Variants in SYT9 observed in about 807,000 individuals in gnomAD.
SYT9 encodes the protein synaptotagmin 9.
Under a neutral mutation model 48.4 loss-of-function variants are expected in SYT9, and 22 were observed. That is an observed-to-expected ratio of 0.45 (90% confidence interval 0.32 to 0.65). The LOEUF (loss-of-function observed/expected upper bound fraction) is 0.65, where lower values mean the gene tolerates loss of function less well. Ranked by LOEUF, SYT9 falls within the 30% of genes least tolerant of loss-of-function variation. The pLI is 0.03. For synonymous variants in SYT9, 265 were observed against 245.0 expected (o/e 1.08, Z -0.76); for missense variants, 577 against 622.0 (o/e 0.93, Z 0.77).
At chr11:7,412,077 C>T (rs558387796) in intron 3 of SYT9, among the ~76,000 whole-genome samples, 35 of 152,150 alleles carry the variant, frequency 2.3e-4, no homozygotes, top group African/African-American at 8.4e-4. Context: ...ATGTGTATCT[C>T]TTTGATGAAT....
At chr11:7,366,290 C>T (rs1309346390) in intron 3 of SYT9, among the ~76,000 whole-genome samples, 1 of 152,190 alleles carries the variant, frequency 6.6e-6, no homozygotes, top group Non-Finnish European at 1.5e-5. Context: ...CCCCTTTCTA[C>T]CTATGCAGTC....
chr11:7,311,657 A>C (rs943812541), intron 2 of SYT9, among the ~76,000 whole-genome samples: 2 of 152,198 alleles, frequency 1.3e-5, no homozygotes, highest in Non-Finnish European at 2.9e-5. Context: ...CTGATGCAGG[A>C]CCCAATTATG....
intron 6 of SYT9, among the ~76,000 whole-genome samples, chr11:7,449,810 T>C (rs12573923): frequency 6.6e-6 from 1 of 151,718 alleles, no homozygotes; most frequent in Non-Finnish European, 1.5e-5. Context: ...CTGAACTGTC[T>C]CTCCTCATGT....
chr11:7,448,600 A>G (rs975225766), intron 6 of SYT9, among the ~76,000 whole-genome samples: 2 of 152,252 alleles, frequency 1.3e-5, no homozygotes, highest in African/African-American at 4.8e-5. Flanking sequence ...TGAAAATGGC[A>G]ACTGTGCCCC....
At chr11:7,249,589 T>C (rs953890109), upstream of SYT9, among the ~76,000 whole-genome samples, 2 of 152,184 alleles carry the variant, frequency 1.3e-5, no homozygotes, top group Non-Finnish European at 2.9e-5. Flanking sequence ...AAGTAATAGA[T>C]TAAGAAAGTG....
intron 6 of SYT9, among the ~76,000 whole-genome samples, chr11:7,451,532 C>T (rs138581492): frequency 2.0e-5 from 3 of 152,188 alleles, no homozygotes; most frequent in African/African-American, 7.2e-5. Flanking sequence ...CCTCTTCCCC[C>T]TCTAACCATG....
At chr11:7,330,886 A>C (rs201981606) in intron 3 of SYT9, among the ~76,000 whole-genome samples, 3 of 152,004 alleles carry the variant, frequency 2.0e-5, no homozygotes, top group African/African-American at 7.2e-5. Flanking sequence ...TAGTAGAGAC[A>C]GGGTTTCACC....
intron 1 of SYT9, among the ~76,000 whole-genome samples, chr11:7,279,393 A>C (rs1217950586): frequency 1.3e-5 from 2 of 152,214 alleles, no homozygotes; most frequent in Non-Finnish European, 2.9e-5. Context: ...CAAGGAAAGA[A>C]TAGGAGGGGT....
intron 3 of SYT9, among the ~76,000 whole-genome samples, chr11:7,344,391 C>T (rs1304450953): frequency 2.7e-5 from 4 of 149,408 alleles, no homozygotes; most frequent in African/African-American, 9.9e-5. Flanking sequence ...GAGAGACATT[C>T]TTAATTCTGC....
At chr11:7,347,850 G>C (rs919951888) in intron 3 of SYT9, among the ~76,000 whole-genome samples, 8 of 152,104 alleles carry the variant, frequency 5.3e-5, no homozygotes, top group African/African-American at 1.4e-4. Flanking sequence ...CAACAGACAG[G>C]CTCCGTGCTA....
chr11:7,445,153 G>A (rs971478263), intron 6 of SYT9, among the ~76,000 whole-genome samples: 1 of 152,162 alleles, frequency 6.6e-6, no homozygotes, highest in African/African-American at 2.4e-5. Flanking sequence ...AGCTGTGTGA[G>A]ACTTAAATGA....
At chr11:7,404,503 T>C (rs1250943280) in intron 3 of SYT9, among the ~76,000 whole-genome samples, 1 of 152,190 alleles carries the variant, frequency 6.6e-6, no homozygotes, top group Non-Finnish European at 1.5e-5. Flanking sequence ...AGGTTTAGAG[T>C]ATATATCTTT....
At chr11:7,249,687 T>A (rs1847835372), upstream of SYT9, among the ~76,000 whole-genome samples, 1 of 152,214 alleles carries the variant, frequency 6.6e-6, no homozygotes, top group African/African-American at 2.4e-5. Context: ...GGCAGCACTA[T>A]TACAAGCACT....
intron 6 of SYT9, among the ~76,000 whole-genome samples, chr11:7,423,486 A>C (rs973745109): frequency 8.5e-5 from 13 of 152,200 alleles, no homozygotes; most frequent in Admixed American, 6.5e-5. Flanking sequence ...TCTGAACCTC[A>C]GTGTTCTCAT....
chr11:7,288,116 A>G (rs1848630171), intron 1 of SYT9, among the ~76,000 whole-genome samples: 1 of 152,080 alleles, frequency 6.6e-6, no homozygotes, highest in Non-Finnish European at 1.5e-5. Context: ...GAGGCACAAT[A>G]GTGGGAAATA....
At chr11:7,361,281 CATA>C (rs2134016105) in intron 3 of SYT9, among the ~76,000 whole-genome samples, 1 of 152,156 alleles carries the variant, frequency 6.6e-6, no homozygotes, top group African/African-American at 2.4e-5. Flanking sequence ...TTCTAATTCT[CATA>C]ATAATCACTG....
intron 3 of SYT9, among the ~76,000 whole-genome samples, chr11:7,397,106 C>A (rs575379739): frequency 1.3e-5 from 2 of 152,020 alleles, no homozygotes; most frequent in Non-Finnish European, 2.9e-5. Context: ...CCTATGTTTT[C>A]TTGTAGAAGA....
intron 5 of SYT9, among the ~76,000 whole-genome samples, chr11:7,418,402 C>T (rs954535655): frequency 2.0e-5 from 3 of 152,188 alleles, no homozygotes; most frequent in South Asian, 2.1e-4. Flanking sequence ...CACCTCTTCC[C>T]CTTTTCATCT....
chr11:7,460,978 G>A (rs1033257207), intron 6 of SYT9, among the ~76,000 whole-genome samples: 2 of 152,070 alleles, frequency 1.3e-5, no homozygotes, highest in African/African-American at 2.4e-5. Flanking sequence ...GACATGGGAT[G>A]GGGCATTGGT....
Sources: gnomAD v4.1 joint callset for allele counts (sites outside exome capture counted in the v4.1 genomes callset) on GRCh38, gnomAD v4.1.1 for gene constraint, MANE v1.5 for transcripts, NCBI Gene and HGNC (gene_info 2026-07-23, HGNC 2026-07-21) for gene names.